The following RBMX variants were observed in gnomAD, a reference collection of about 807,000 sequenced individuals.
The protein encoded by RBMX is RNA binding motif protein X-linked, also known as RNA-binding motif protein, X chromosome.
A neutral mutation model predicts 29.3 loss-of-function variants in RBMX; 1 was observed. The ratio of observed to expected loss-of-function variants is 0.03; its 90% CI spans 0.01 to 0.16. The LOEUF is 0.16. Ranked by LOEUF, RBMX falls within the 10% of genes least tolerant of loss-of-function variation. The pLI, the probability that RBMX is intolerant of heterozygous loss-of-function variation, is 1.00. For missense variants in RBMX, 121 were observed against 333.2 expected (o/e 0.36, Z 4.96); for synonymous variants, 102 against 102.3 (o/e 1.00, Z 0.02).
At chrX:136,878,992 T>C in intron 3 of RBMX, 25 bp downstream of exon 3, 1 of 1,207,522 alleles carries the variant, frequency 8.3e-7, no homozygotes, top group Non-Finnish European at 1.1e-6. Context: ...TAACAGGTTA[T>C]CATCCATCGT....
chrX:136,878,835 T>C (rs1264130107), intron 3 of RBMX, among the ~76,000 whole-genome samples, 182 bp downstream of exon 3: 1 of 109,913 alleles, frequency 9.1e-6, no homozygotes. Flanking sequence ...CACTACTAGA[T>C]TTGGTTCTGC....
In RBMX at chrX:136,876,551, A is replaced by C; in HGVS notation, c.493T>G (p.Ser165Ala). Residue 165 changes from serine (S) to alanine (A), a missense_variant, in exon 5 of 9, where the codon TCT (serine) becomes GCT (alanine). By Grantham distance (99) the Ser-to-Ala change is moderately conservative (BLOSUM62 1). This residue lies in a region of RBMX where 114 missense variants were observed against 260.0 expected (regional missense o/e 0.44). Coordinates refer to ENST00000320676, the MANE Select transcript of RBMX (RefSeq NM_002139.4). Reference sequence around the variant, plus strand: ...CTGCGAACTGGTCCTGAAGGTGCAGATCTCTTAGGAGGAGGACCCCCACTT... The same window carrying C: ...CTGCGAACTGGTCCTGAAGGTGCAGCTCTCTTAGGAGGAGGACCCCCACTT... ...PRSGGPPPKR[S>A]APSGPVRSSS... 1.2e-5 allele frequency: 14 copies of C among 1,206,077 alleles called. No individual in the cohort carries two copies. Among genetic ancestry groups the C allele is most frequent in the Non-Finnish European group, 1.5e-5 (13 of 893,368 alleles).
chrX:136,875,806 GTTT>G (rs373439816), intron 5 of RBMX, among the ~76,000 whole-genome samples: 2 of 101,455 alleles, frequency 2.0e-5, no homozygotes, highest in South Asian at 4.2e-4. Context: ...TAAAAGTTTT[GTTT>G]TTTTTTTTTG....
In RBMX at chrX:136,877,949, T is replaced by A; in HGVS notation, c.354A>T (p.Gly118=). ...CTCCCCGTGAGGGAGGTCCCCTGGTTCCTCCACTTCCTCCTCTTCCACCTC... is the reference window on the plus strand; with the variant it reads ...CTCCCCGTGAGGGAGGTCCCCTGGTACCTCCACTTCCTCCTCTTCCACCTC... The part of the protein sequence containing the change: ...GLRGGRGGSG[G]TRGPPSRGGH... Residue 118 remains glycine (G), a synonymous_variant, in exon 4 of 9, where the codon GGA becomes GGT. Coordinates refer to ENST00000320676, the MANE Select transcript of RBMX (RefSeq NM_002139.4). 1 of 1,207,718 alleles carries A rather than the reference T, an allele frequency of 8.3e-7. No individual in the cohort carries two copies. The highest frequency in any genetic ancestry group is 1.1e-6 in the Non-Finnish European group (1 of 893,392).
At chrX:136,876,308 G>T (rs2077728607) in intron 5 of RBMX, among the ~76,000 whole-genome samples, 195 bp downstream of exon 5, 1 of 108,880 alleles carries the variant, frequency 9.2e-6, no homozygotes, top group African/African-American at 3.4e-5. Flanking sequence ...TTTTTTAGTA[G>T]AGACGGGGTT....
chrX:136,879,141 G>T lies in RBMX; in HGVS notation c.110-18C>A. ...CAAGAGTACTAAAAAGTAGTTTTCA[G>T]AAAAATAAAGTGTTACCCTAGGTCA... On this transcript the variant is annotated intron_variant, in intron 2 of 8. Coordinates refer to ENST00000320676, the MANE Select transcript of RBMX (RefSeq NM_002139.4). 1.7e-6 allele frequency: 2 copies of T among 1,210,666 alleles called. No individual in the cohort carries two copies. Among genetic ancestry groups the T allele is most frequent in the Middle Eastern group, 4.6e-4 (2 of 4,327 alleles).
intron 1 of RBMX, among the ~76,000 whole-genome samples, chrX:136,880,236 G>T (rs1034905174): frequency 5.4e-5 from 6 of 111,529 alleles, no homozygotes; most frequent in African/African-American, 2.0e-4. Context: ...CTTCTCCGGG[G>T]CCGCCAATGA....
downstream of RBMX, chrX:136,872,227 C>G: frequency 3.0e-6 from 3 of 1,008,758 alleles, no homozygotes; most frequent in East Asian, 6.7e-5. Flanking sequence ...GGTAGTTACA[C>G]AACATTTAAA....
intron 1 of RBMX, 81 bp from the exon 2 acceptor site, chrX:136,879,534 T>C: frequency 1.2e-6 from 1 of 803,171 alleles, no homozygotes; most frequent in Non-Finnish European, 1.8e-6. Context: ...ACATTTCTCA[T>C]ATTTTCCACT....
In RBMX at chrX:136,876,670, G is replaced by A; in HGVS notation, c.389-15C>T. ...TCCACCGTCATCTGCATCAAAAATA[G>A]AAAAGAAAAATATTACTACTCACAA... On this transcript the variant is annotated splice_polypyrimidine_tract_variant and intron_variant, in intron 4 of 8. Coordinates refer to ENST00000320676, the MANE Select transcript of RBMX (RefSeq NM_002139.4). 1 of 1,127,798 alleles carries A rather than the reference G, an allele frequency of 8.9e-7. No homozygotes were observed. The highest frequency in any genetic ancestry group is 2.1e-5 in the South Asian group (1 of 48,099). The allele number at this position is 1,127,798 out of a possible 1,213,427, so 92.9% of individuals were successfully genotyped here.
intron 4 of RBMX, 116 bp from the exon 5 acceptor site, chrX:136,876,771 C>G: frequency 4.2e-5 from 23 of 543,630 alleles, no homozygotes; most frequent in South Asian, 8.9e-5. Flanking sequence ...GCAGTGGCTT[C>G]ATCTCGGCTC....
At chrX:136,878,333 T>C (rs2077756827) in intron 3 of RBMX, among the ~76,000 whole-genome samples, 1 of 111,277 alleles carries the variant, frequency 9.0e-6, no homozygotes, top group African/African-American at 3.3e-5. Context: ...TGCATTATTG[T>C]ATGGTAAAAT....
chrX:136,880,626 A>C lies in RBMX; in HGVS notation c.-56T>G, dbSNP rs2077789685. The C allele has an allele frequency of 1.7e-5, 2 of 120,799 alleles. No homozygotes were observed. Among genetic ancestry groups the C allele is most frequent in the Admixed American group, 1.9e-4 (2 of 10,640 alleles). The allele number at this position is 120,799 out of a possible 1,213,427, so 10.0% of individuals were successfully genotyped here. On this transcript the variant is annotated 5_prime_UTR_variant, in exon 1 of 9. Transcript: ENST00000320676. ...GGGGTGACAATGGGTTCAAGCTCCAACGAGCTCGGCGATAGGGGCTTCCTA... is the reference window on the plus strand; with the variant it reads ...GGGGTGACAATGGGTTCAAGCTCCACCGAGCTCGGCGATAGGGGCTTCCTA...
intron 8 of RBMX, 35 bp downstream of exon 8, chrX:136,875,051 C>G (rs767773405): frequency 8.7e-5 from 104 of 1,202,192 alleles, no homozygotes; most frequent in Non-Finnish European, 1.2e-4. Flanking sequence ...AAAACTCAAG[C>G]TGGTGATACT....
chrX:136,871,443 CAAA>C (rs113464554), downstream of RBMX, among the ~76,000 whole-genome samples: 2 of 58,226 alleles, frequency 3.4e-5, no homozygotes, highest in Admixed American at 2.4e-4. Context: ...GACTCCGTCT[CAAA>C]AAAAAAAAAA....
At chrX:136,876,716 GTTTT>G (rs199725935) in intron 4 of RBMX, 61 bp from the exon 5 acceptor site, 6 of 806,746 alleles carry the variant, frequency 7.4e-6, no homozygotes, top group Admixed American at 8.0e-5. Context: ...AGATATAAAA[GTTTT>G]TTTTTTTTTT....
chrX:136,871,212 G>A (rs962759417), downstream of RBMX, among the ~76,000 whole-genome samples: 2 of 109,205 alleles, frequency 1.8e-5, no homozygotes, highest in Non-Finnish European at 3.8e-5. Context: ...TTTGGGAGGC[G>A]AGGCAGGCAG....
At chrX:136,879,476 C>A in intron 1 of RBMX, 23 bp from the exon 2 acceptor site, 1 of 1,116,322 alleles carries the variant, frequency 9.0e-7, no homozygotes, top group Non-Finnish European at 1.2e-6. Flanking sequence ...AATAGTATTA[C>A]CTCACTGCAA....
At chrX:136,869,584 G>A (rs1389958626), downstream of RBMX, 1 of 111,824 alleles carries the variant, frequency 8.9e-6, no homozygotes, top group Admixed American at 9.5e-5. Flanking sequence ...CAACTATGGA[G>A]TGCAAAAACC....
Sources: allele counts gnomAD v4.1 joint callset (sites outside exome capture counted in the v4.1 genomes callset), GRCh38; gene constraint gnomAD v4.1.1; regional missense constraint gnomAD v4.1.1; transcripts MANE v1.5; gene names NCBI Gene and HGNC (gene_info 2026-07-23, HGNC 2026-07-21).